ZFHX3: variants seen among roughly 807,000 people sequenced by gnomAD.
The protein encoded by ZFHX3 is zinc finger homeobox protein 3.
In ZFHX3, 42 loss-of-function variants were observed where a neutral mutation model predicts 279.1. The ratio of observed to expected loss-of-function variants is 0.15; its 90% CI spans 0.12 to 0.19. The LOEUF (loss-of-function observed/expected upper bound fraction) is 0.19. Ranked by LOEUF, ZFHX3 falls within the 10% of genes least tolerant of loss-of-function variation. The probability of loss-of-function intolerance (pLI) is 1.00; values close to 1 mark genes in which losing one functional copy is unlikely to be tolerated. For synonymous variants in ZFHX3, 2,293 were observed against 1,957.8 expected (o/e 1.17, Z -4.52); for missense variants, 4,981 against 4,754.0 (o/e 1.05, Z -1.40).
intron 4 of ZFHX3, among the ~76,000 whole-genome samples, chr16:73,317,408 C>T (rs1370146278): frequency 6.6e-6 from 1 of 152,206 alleles, no homozygotes; most frequent in Non-Finnish European, 1.5e-5. Context: ...CCTTCCCCCA[C>T]TCTAAGTTTA....
At chr16:72,839,402 TTTCA>T (rs1417789788) in intron 4 of ZFHX3, among the ~76,000 whole-genome samples, 2 of 152,172 alleles carry the variant, frequency 1.3e-5, no homozygotes, top group African/African-American at 2.4e-5. Flanking sequence ...TTCTCCTTTC[TTTCA>T]AACAGTATTT....
chr16:73,733,724 C>T (rs2053587433), intron 1 of ZFHX3, among the ~76,000 whole-genome samples: 1 of 152,114 alleles, frequency 6.6e-6, no homozygotes, highest in Non-Finnish European at 1.5e-5. Context: ...AGTCAGAAAG[C>T]TTTAATTAAG....
chr16:72,868,567 C>G (rs1181021022), intron 4 of ZFHX3, among the ~76,000 whole-genome samples: 1 of 152,252 alleles, frequency 6.6e-6, no homozygotes, highest in African/African-American at 2.4e-5. Context: ...GGGCTCCGCA[C>G]TCCCTAGAGG....
chr16:73,848,972 T>C (rs1961523276), intron 1 of ZFHX3, among the ~76,000 whole-genome samples: 1 of 152,226 alleles, frequency 6.6e-6, no homozygotes, highest in African/African-American at 2.4e-5. Context: ...AGGCTAAACA[T>C]TTTCTTCGAC....
At chr16:73,506,741 G>A (rs1230836777) in intron 2 of ZFHX3, among the ~76,000 whole-genome samples, 1 of 152,134 alleles carries the variant, frequency 6.6e-6, no homozygotes, top group Non-Finnish European at 1.5e-5. Flanking sequence ...GAGTCCCCAT[G>A]TGCAACCACG....
At chr16:73,670,925 C>A (rs1442333434) in intron 2 of ZFHX3, among the ~76,000 whole-genome samples, 1 of 152,168 alleles carries the variant, frequency 6.6e-6, no homozygotes, top group Non-Finnish European at 1.5e-5. Context: ...CCGATGTGCA[C>A]AAACATTCTA....
At chr16:73,392,747 G>A (rs193155649) in intron 3 of ZFHX3, among the ~76,000 whole-genome samples, 23 of 152,294 alleles carry the variant, frequency 1.5e-4, no homozygotes, top group Admixed American at 5.2e-4. Flanking sequence ...ACCAGATTTA[G>A]CAGTTTCTCT....
At chr16:73,450,744 C>T (rs1042889318) in intron 3 of ZFHX3, among the ~76,000 whole-genome samples, 1 of 152,208 alleles carries the variant, frequency 6.6e-6, no homozygotes, top group African/African-American at 2.4e-5. Flanking sequence ...CCAATGCCTG[C>T]ATGCATTTGC....
Position 73,417,396 on chromosome 16 carries a change from CT to C in ZFHX3, c.-1291+38606del, listed in dbSNP as rs57283343. 7.1e-3 allele frequency among the ~76,000 whole-genome samples: 841 copies of C among 118,736 alleles called. 6 individuals are homozygous for C. Among genetic ancestry groups the C allele is most frequent in the African/African-American group, 0.026 (780 of 30,236 alleles). 77.9% of individuals were successfully genotyped at this position (118,736 alleles called of 152,430 possible). A position where few individuals can be genotyped will look rare whatever the true frequency, so the allele number is the denominator to read the frequency against. ...ATTAAGAAAAGGAATTTTTTCTTTT[CT>C]TTTTTTTTTTTTTTTTTGGAGACAG... On this transcript the variant is annotated intron_variant, in intron 3 of 17. Transcript: ENST00000641206.
At chr16:73,303,462 A>C (rs958048750) in intron 4 of ZFHX3, among the ~76,000 whole-genome samples, 2 of 152,184 alleles carry the variant, frequency 1.3e-5, no homozygotes, top group Non-Finnish European at 2.9e-5. Context: ...TACAATTGAC[A>C]TGGACATTCC....
At chr16:73,057,772 G>A (rs1293724245) in intron 1 of ZFHX3, among the ~76,000 whole-genome samples, 2 of 151,076 alleles carry the variant, frequency 1.3e-5, no homozygotes, top group African/African-American at 4.8e-5. Flanking sequence ...TCGCGCGGCC[G>A]CCTCGCCCCC....
At chr16:72,935,862 A>T (rs1960095386) in intron 3 of ZFHX3, among the ~76,000 whole-genome samples, 2 of 152,198 alleles carry the variant, frequency 1.3e-5, no homozygotes, top group African/African-American at 2.4e-5. Flanking sequence ...CCCACCGGTA[A>T]GGATCTTACA....
At chr16:72,792,660 C>G in intron 9 of ZFHX3, among the ~76,000 whole-genome samples, 1 of 152,032 alleles carries the variant, frequency 6.6e-6, no homozygotes, top group East Asian at 1.9e-4. Context: ...CCATGTTGGC[C>G]AGGCTGGTCT....
intron 2 of ZFHX3, among the ~76,000 whole-genome samples, chr16:73,562,032 T>A (rs961306982): frequency 6.6e-6 from 1 of 152,200 alleles, no homozygotes; most frequent in Non-Finnish European, 1.5e-5. Context: ...GTAACTCTTT[T>A]GAGACAAGCG....
At chr16:73,455,997 C>T (rs1207280178) in intron 3 of ZFHX3, 2 of 152,014 alleles carry the variant, frequency 1.3e-5, no homozygotes, top group African/African-American at 2.4e-5. Context: ...CAGAAATATC[C>T]CTTACCTGGG....
chr16:73,859,709 G>A (rs1053383238), intron 1 of ZFHX3, among the ~76,000 whole-genome samples: 3 of 152,088 alleles, frequency 2.0e-5, no homozygotes, highest in East Asian at 1.9e-4. Flanking sequence ...AAGGAGAAAC[G>A]TTCTCTTTTA....
intron 7 of ZFHX3, chr16:72,807,933 A>C (rs1383148157): frequency 2.6e-5 from 4 of 152,176 alleles, no homozygotes; most frequent in Admixed American, 6.5e-5. Context: ...CTGGAGCATG[A>C]ATGACCGTAG....
chr16:72,924,213 G>T (rs1959314892), intron 3 of ZFHX3, among the ~76,000 whole-genome samples: 1 of 152,126 alleles, frequency 6.6e-6, no homozygotes, highest in Admixed American at 6.5e-5. Flanking sequence ...AAACTTAAAC[G>T]ACTTTAGATT....
intron 5 of ZFHX3, among the ~76,000 whole-genome samples, chr16:73,221,839 G>GA (rs543311545): frequency 6.6e-6 from 1 of 151,930 alleles, no homozygotes; most frequent in Admixed American, 6.6e-5. Context: ...AAATAAAAAT[G>GA]AAAAAATCAC....
Sources: gnomAD v4.1 joint callset for allele counts (sites outside exome capture counted in the v4.1 genomes callset) on GRCh38, gnomAD v4.1.1 for gene constraint, MANE v1.5 for transcripts, NCBI Gene and HGNC (gene_info 2026-07-23, HGNC 2026-07-21) for gene names.